Variants in LRP1B observed in about 807,000 individuals in gnomAD.
The protein encoded by LRP1B is low-density lipoprotein receptor-related protein 1B.
LRP1B carries 217 observed loss-of-function variants against 556.6 expected under a neutral mutation model. That is an observed-to-expected ratio of 0.39 (90% CI 0.35 to 0.44). The LOEUF (loss-of-function observed/expected upper bound fraction) is 0.44, where lower values mean the gene tolerates loss of function less well. Ranked by LOEUF, LRP1B falls within the 20% of genes least tolerant of loss-of-function variation. The pLI, the probability that LRP1B is intolerant of heterozygous loss-of-function variation, is 1.00. For synonymous variants in LRP1B, 2,047 were observed against 1,865.8 expected (o/e 1.10, Z -2.50); for missense variants, 5,053 against 5,620.8 (o/e 0.90, Z 3.23).
rs1553449247 is a variant in LRP1B at position 140,335,194 on chromosome 2, G to GTGTA, written c.12116+420_12116+421insTACA. ...TAAATTTGTGTGTGTGTGTGCATGTGTATATATATATGTGTGTGTGTGTGT... is the reference window on the plus strand; with the variant it reads ...TAAATTTGTGTGTGTGTGTGCATGTGTGTATATATATATATGTGTGTGTGTGTGT... On this transcript the variant is annotated intron_variant, in intron 78 of 90. Transcript: ENST00000389484. Among the ~76,000 whole-genome samples, 15 of 151,104 alleles carry GTGTA rather than the reference G, an allele frequency of 9.9e-5. No homozygotes were observed. In the South Asian group the frequency reaches 2.1e-3, roughly 21 times the overall value.
At chr2:141,849,915 A>C (rs567660794) in intron 1 of LRP1B, among the ~76,000 whole-genome samples, 2 of 151,810 alleles carry the variant, frequency 1.3e-5, no homozygotes, top group South Asian at 4.1e-4. Flanking sequence ...CCAAGAAACT[A>C]CCTGTGGATG....
At chr2:140,899,146 T>C (rs901391568) in intron 23 of LRP1B, 1 of 198,716 alleles carries the variant, frequency 5.0e-6, no homozygotes, top group South Asian at 9.6e-5. Flanking sequence ...CCTTGCAGCA[T>C]ACTGACTTGG....
At chr2:141,874,700 A>C (rs1261776644) in intron 1 of LRP1B, among the ~76,000 whole-genome samples, 2 of 151,994 alleles carry the variant, frequency 1.3e-5, no homozygotes, top group African/African-American at 4.8e-5. Context: ...AATACAATTC[A>C]TATTTCTCAT....
At chr2:140,530,779 A>G (rs1690658002) in intron 47 of LRP1B, among the ~76,000 whole-genome samples, 1 of 152,096 alleles carries the variant, frequency 6.6e-6, no homozygotes, top group African/African-American at 2.4e-5. Context: ...TATTTTTAAG[A>G]TATCCAACTG....
At chr2:140,995,423 C>T (rs546016573) in intron 15 of LRP1B, among the ~76,000 whole-genome samples, 11 of 152,038 alleles carry the variant, frequency 7.2e-5, no homozygotes, top group East Asian at 3.9e-4. Context: ...CTAAGAACTT[C>T]GAAGATTTAT....
chr2:141,754,901 T>C (rs6429920), intron 2 of LRP1B, among the ~76,000 whole-genome samples: 5,051 of 152,220 alleles, frequency 0.033, 261 homozygotes, highest in African/African-American at 0.12. Flanking sequence ...TAGGATTTCC[T>C]CCAAAATATC....
At chr2:141,011,526 A>G (rs940786) in intron 14 of LRP1B, among the ~76,000 whole-genome samples, 27,138 of 152,030 alleles carry the variant, frequency 0.18, 2,551 homozygotes, top group East Asian at 0.23. Context: ...TTGATCAAAC[A>G]TATAGTTAAG....
intron 66 of LRP1B, among the ~76,000 whole-genome samples, chr2:140,400,733 C>T (rs745777009): frequency 9.2e-5 from 14 of 152,018 alleles, no homozygotes; most frequent in Admixed American, 3.3e-4. Context: ...CAAAAGAAAC[C>T]ACAGACCCTT....
At chr2:141,999,815 ATTTG>A (rs1307856214) in intron 1 of LRP1B, among the ~76,000 whole-genome samples, 4 of 151,876 alleles carry the variant, frequency 2.6e-5, no homozygotes, top group Non-Finnish European at 5.9e-5. Flanking sequence ...CAACTGTAAT[ATTTG>A]TTTATTTTCT....
At chr2:141,863,945 C>G (rs1698328817) in intron 1 of LRP1B, among the ~76,000 whole-genome samples, 1 of 151,900 alleles carries the variant, frequency 6.6e-6, no homozygotes, top group African/African-American at 2.4e-5. Flanking sequence ...TTGCCTATGT[C>G]TAAAATGACA....
At chr2:141,961,132 T>C (rs1317532794) in intron 1 of LRP1B, among the ~76,000 whole-genome samples, 2 of 151,820 alleles carry the variant, frequency 1.3e-5, no homozygotes, top group South Asian at 2.1e-4. Flanking sequence ...GAGATAATTA[T>C]GAGCCAACCG....
At chr2:141,091,643 C>T (rs921038611) in intron 7 of LRP1B, among the ~76,000 whole-genome samples, 7 of 152,126 alleles carry the variant, frequency 4.6e-5, no homozygotes, top group African/African-American at 1.7e-4. Context: ...TTGGGTCCTG[C>T]CTTGGGCCCT....
intron 2 of LRP1B, among the ~76,000 whole-genome samples, chr2:141,596,170 CCAGGGTATA>C (rs1387652943): frequency 6.6e-6 from 1 of 151,650 alleles, no homozygotes; most frequent in African/African-American, 2.4e-5. Context: ...CGATCCTTAC[CCAGGGTATA>C]CATCTTTGAC....
chr2:140,878,914 G>C (rs894941467), intron 25 of LRP1B, among the ~76,000 whole-genome samples: 1 of 151,410 alleles, frequency 6.6e-6, no homozygotes, highest in African/African-American at 2.4e-5. Flanking sequence ...GCTTGAACCC[G>C]GGAGGCAGAG....
intron 1 of LRP1B, among the ~76,000 whole-genome samples, chr2:142,042,639 T>C (rs1238934415): frequency 1.3e-5 from 2 of 151,530 alleles, no homozygotes; most frequent in Non-Finnish European, 3.0e-5. Context: ...TAGCTATATA[T>C]ACTAGGTTCA....
rs368379478 is a variant in LRP1B at position 140,529,224 on chromosome 2, G to A, written c.7763-2874C>T. On this transcript the variant is annotated intron_variant, in intron 47 of 90. Transcript: ENST00000389484. ...GTGGATCAAAAGTAGCAGCAAGAGAGAAAGTAAAACCACTCTCTCTAATAT... is the reference window on the plus strand; with the variant it reads ...GTGGATCAAAAGTAGCAGCAAGAGAAAAAGTAAAACCACTCTCTCTAATAT... 3.2e-4 allele frequency among the ~76,000 whole-genome samples: 48 copies of A among 152,098 alleles called. 1 individual carries two copies. The South Asian group carries it at 1.0e-2, about 32-fold the overall frequency.
intron 43 of LRP1B, among the ~76,000 whole-genome samples, chr2:140,574,156 A>G (rs1681431813): frequency 6.6e-6 from 1 of 152,232 alleles, no homozygotes; most frequent in South Asian, 2.1e-4. Flanking sequence ...AATCAAGAAC[A>G]TTCAAGTATT....
rs540327893 is a variant in LRP1B at position 141,066,641 on chromosome 2, T to C, written c.1014-4368A>G. On this transcript the variant is annotated intron_variant, in intron 7 of 90. Coordinates refer to ENST00000389484, the MANE Select transcript of LRP1B (RefSeq NM_018557.3). ...GGAATTTAAATACATCAAAGTTCTGTCCATGTCCTTTAACTGCATGGTCAG... is the reference window on the plus strand; with the variant it reads ...GGAATTTAAATACATCAAAGTTCTGCCCATGTCCTTTAACTGCATGGTCAG... Among the ~76,000 whole-genome samples the C allele has an allele frequency of 3.3e-5, 5 of 152,106 alleles. No homozygotes were observed. In the South Asian group the frequency reaches 8.3e-4, roughly 25 times the overall value.
Position 140,525,990 on chromosome 2 carries a change from T to C in LRP1B, c.7880A>G (p.Asn2627Ser). Residue 2627 changes from asparagine (N) to serine (S), a missense_variant, in exon 49 of 91, where the codon AAC becomes AGC. Physicochemically the swap from Asn to Ser is conservative, Grantham distance 46 (BLOSUM62 1). Coordinates refer to ENST00000389484, the MANE Select transcript of LRP1B (RefSeq NM_018557.3). ...CTTATAGAAATGTGTGCAGTCTGTG[T>C]TATCTAGAAGAAGGTAAACAAAAAA... ...ADASDEKNCN[N>S]TDCTHFYKLG... The C allele has an allele frequency of 1.9e-6, 3 of 1,611,684 alleles. No homozygotes were observed. Among genetic ancestry groups the C allele is most frequent in the Non-Finnish European group, 2.5e-6 (3 of 1,178,690 alleles).
Sources: gnomAD v4.1 joint callset for allele counts (sites outside exome capture counted in the v4.1 genomes callset) on GRCh38, gnomAD v4.1.1 for gene constraint, MANE v1.5 for transcripts, NCBI Gene and HGNC (gene_info 2026-07-23, HGNC 2026-07-21) for gene names.